ZSCAN30: variants seen among roughly 807,000 people sequenced by gnomAD.
ZSCAN30 encodes the protein zinc finger and SCAN domain containing 30.
ZSCAN30 carries 37 observed loss-of-function variants against 44.3 expected under a neutral mutation model. The observed-to-expected ratio is 0.84, with a 90% CI of 0.64 to 1.10. The LOEUF (loss-of-function observed/expected upper bound fraction) is 1.10. ZSCAN30 is among the 50% of genes least tolerant of loss of function. The pLI is 0.00. For synonymous variants in ZSCAN30, 181 were observed against 204.6 expected (o/e 0.88, Z 0.98); for missense variants, 549 against 582.6 (o/e 0.94, Z 0.59).
intron 1 of ZSCAN30, among the ~76,000 whole-genome samples, chr18:35,280,245 C>A (rs548060510): frequency 1.3e-5 from 2 of 149,090 alleles, no homozygotes; most frequent in African/African-American, 5.0e-5. Context: ...CACTGCACTC[C>A]GGCCTGGGTG....
chr18:35,271,178 G>A (rs905941128), intron 1 of ZSCAN30, among the ~76,000 whole-genome samples: 3 of 152,182 alleles, frequency 2.0e-5, no homozygotes, highest in African/African-American at 4.8e-5. Flanking sequence ...CCAGGTTCCT[G>A]CTGCTTGCTG....
At chr18:35,283,101 G>A (rs1254286460) in intron 1 of ZSCAN30, 1 of 152,148 alleles carries the variant, frequency 6.6e-6, no homozygotes, top group Admixed American at 6.5e-5. Context: ...AGGCATAACA[G>A]GCTGGGCATG....
At position 35,253,974 on chromosome 18, in the gene ZSCAN30, T is replaced by G. The variant is rs185270137; in HGVS notation, c.961A>C (p.Arg321=). 45 of 1,614,220 alleles carry G rather than the reference T, an allele frequency of 2.8e-5. No homozygotes were observed. In the East Asian group the frequency reaches 9.8e-4, roughly 35 times the overall value. The change falls in exon 4 of 4, where the codon AGA becomes CGA. Residue 321 remains arginine (R), a synonymous_variant. Coordinates refer to ENST00000333206, the MANE Select transcript of ZSCAN30 (RefSeq NM_001112734.4). ...TAAGGTCTCTCTCCAGTATGAATTCTCTGATGTCTAATCAGCTTTGAGCTC... is the reference window on the plus strand; with the variant it reads ...TAAGGTCTCTCTCCAGTATGAATTCGCTGATGTCTAATCAGCTTTGAGCTC... ...CQSSKLIRHQ[R]IHTGERPYAC... is the part of the protein sequence containing the mutation.
chr18:35,270,218 A>G (rs1370985591), intron 1 of ZSCAN30: 1 of 151,406 alleles, frequency 6.6e-6, no homozygotes, highest in Non-Finnish European at 1.5e-5. Context: ...ATGTTAATAA[A>G]AAGAAATGAA....
rs1470102060 is a variant in ZSCAN30, at chr18:35,252,977, A to T, written c.*473T>A. 1.3e-5 allele frequency: 2 copies of T among 154,658 alleles called. No individual in the cohort carries two copies. Among genetic ancestry groups the T allele is most frequent in the African/African-American group, 4.8e-5 (2 of 41,490 alleles). 9.6% of individuals were successfully genotyped at this position (154,658 alleles called of 1,614,324 possible). ...TATTATTAAACTAATAGCATAATTC[A>T]ATATTTTCACAACCTCCAAATTCAA... is the stretch of plus-strand genomic sequence containing the variant. On this transcript the variant is annotated 3_prime_UTR_variant, in exon 4 of 4. Transcript: ENST00000333206.
At chr18:35,259,199 T>C (rs2043949685) in intron 3 of ZSCAN30, 3 of 152,226 alleles carry the variant, frequency 2.0e-5, no homozygotes. Context: ...CACCTTCTTT[T>C]CTTGTTGTTG....
At chr18:35,278,730 G>A (rs1236802212) in intron 1 of ZSCAN30, among the ~76,000 whole-genome samples, 1 of 152,156 alleles carries the variant, frequency 6.6e-6, no homozygotes, top group Non-Finnish European at 1.5e-5. Flanking sequence ...GAAAAAACAA[G>A]CTACACCTTC....
rs762793902 is a variant in ZSCAN30 at position 35,253,686 on chromosome 18, C to T, written c.1249G>A (p.Ala417Thr). The T allele has an allele frequency of 3.1e-6, 5 of 1,614,004 alleles. No homozygotes were observed. The Admixed American group carries it at 6.7e-5, about 22-fold the overall frequency. Residue 417 changes from alanine (A) to threonine (T), a missense_variant, in exon 4 of 4, where the codon GCA becomes ACA. Coordinates refer to ENST00000333206, the MANE Select transcript of ZSCAN30 (RefSeq NM_001112734.4). ...HTGDKSYECI[A>T]CGKAFGRSSI... is the part of the protein sequence containing the mutation. ...CTCCTACCAAAAGCCTTACCACATG[C>T]AATACATTCATAGCTTTTATCTCCA... is the stretch of plus-strand genomic sequence containing the variant.
At chr18:35,276,511 C>A (rs1440434380) in intron 1 of ZSCAN30, among the ~76,000 whole-genome samples, 2 of 152,178 alleles carry the variant, frequency 1.3e-5, no homozygotes, top group Non-Finnish European at 2.9e-5. Flanking sequence ...TGTTGCCCTG[C>A]ATCCTAGCCG....
At chr18:35,270,534 T>C (rs539440631) in intron 1 of ZSCAN30, among the ~76,000 whole-genome samples, 2 of 152,354 alleles carry the variant, frequency 1.3e-5, no homozygotes, top group South Asian at 2.1e-4. Context: ...ATTTCTGTCA[T>C]TGGATTTTTT....
intron 1 of ZSCAN30, among the ~76,000 whole-genome samples, chr18:35,270,559 CTT>C (rs2143730846): frequency 6.6e-6 from 1 of 152,288 alleles, no homozygotes. Context: ...CAGAATTTCT[CTT>C]TGGTTCAAGT....
chr18:35,272,498 A>G (rs1484890323), intron 1 of ZSCAN30, among the ~76,000 whole-genome samples: 3 of 150,928 alleles, frequency 2.0e-5, no homozygotes, highest in Admixed American at 2.0e-4. Context: ...GTGTTACCAC[A>G]CCCAGTTAAT....
intron 1 of ZSCAN30, among the ~76,000 whole-genome samples, chr18:35,272,106 C>T (rs530305982): frequency 3.3e-5 from 5 of 152,358 alleles, no homozygotes; most frequent in South Asian, 4.1e-4. Flanking sequence ...GCCCCTCAAG[C>T]ATGGCAAGAG....
intron 1 of ZSCAN30, among the ~76,000 whole-genome samples, chr18:35,280,558 A>G (rs1178174318): frequency 6.6e-6 from 1 of 152,202 alleles, no homozygotes; most frequent in Non-Finnish European, 1.5e-5. Flanking sequence ...GAATTATAGT[A>G]TTTCTTGATA....
At chr18:35,256,842 T>C (rs139514164) in intron 3 of ZSCAN30, among the ~76,000 whole-genome samples, 281 of 152,304 alleles carry the variant, frequency 1.8e-3, no homozygotes, top group African/African-American at 6.6e-3. Context: ...GGTACAATTA[T>C]CAGCCACTGC....
chr18:35,284,590 G>A (rs941738189), intron 1 of ZSCAN30: 6 of 155,044 alleles, frequency 3.9e-5, no homozygotes, highest in Middle Eastern at 5.1e-4. Flanking sequence ...ACCCTGGCTC[G>A]GCCCCAACCT....
At chr18:35,287,405 T>C (rs2044570079) in intron 1 of ZSCAN30, among the ~76,000 whole-genome samples, 1 of 151,998 alleles carries the variant, frequency 6.6e-6, no homozygotes, top group Non-Finnish European at 1.5e-5. Flanking sequence ...AGCCTTATTA[T>C]AAAGCTAGAG....
intron 1 of ZSCAN30, among the ~76,000 whole-genome samples, chr18:35,271,141 C>A (rs925729390): frequency 6.6e-6 from 1 of 152,180 alleles, no homozygotes; most frequent in South Asian, 2.1e-4. Context: ...AGCAAAAAAA[C>A]CCTCCGCACT....
At chr18:35,277,047 T>A (rs775713603) in intron 1 of ZSCAN30, among the ~76,000 whole-genome samples, 1 of 152,222 alleles carries the variant, frequency 6.6e-6, no homozygotes, top group African/African-American at 2.4e-5. Context: ...AAGGAGATCA[T>A]TTCAGAGCTT....
Sources: allele counts gnomAD v4.1 joint callset (sites outside exome capture counted in the v4.1 genomes callset), GRCh38; gene constraint gnomAD v4.1.1; transcripts MANE v1.5; gene names NCBI Gene and HGNC (gene_info 2026-07-23, HGNC 2026-07-21).